The following LRRC8D variants were observed in gnomAD, a reference collection of about 807,000 sequenced individuals.
LRRC8D encodes leucine rich repeat containing 8 VRAC subunit D, also known as volume-regulated anion channel subunit LRRC8D.
In LRRC8D, 20 loss-of-function variants were observed where a neutral mutation model predicts 55.8. The observed-to-expected ratio is 0.36, with a 90% CI of 0.25 to 0.52. The LOEUF (loss-of-function observed/expected upper bound fraction) is 0.52. LRRC8D is among the 20% of genes least tolerant of loss of function. LRRC8D has a pLI of 0.93. For synonymous variants in LRRC8D, 352 were observed against 377.0 expected, an observed-to-expected ratio of 0.93 and a Z score of 0.77; for missense variants, 651 against 1,030.8, an observed-to-expected ratio of 0.63 and a Z score of 5.05.
chr1:89,829,675 G>T (rs928997809), intron 1 of LRRC8D, among the ~76,000 whole-genome samples: 1 of 152,210 alleles, frequency 6.6e-6, no homozygotes, highest in African/African-American at 2.4e-5. Context: ...TGTTTGAAGA[G>T]TAGAGCCATA....
chr1:89,821,933 T>C (rs529033487), intron 1 of LRRC8D: 4 of 152,176 alleles, frequency 2.6e-5, no homozygotes, highest in African/African-American at 9.6e-5. Flanking sequence ...AATCCGCTTC[T>C]AGCTTGTTTG....
chr1:89,835,093 A>C (rs1017763805), intron 1 of LRRC8D, among the ~76,000 whole-genome samples: 2 of 152,142 alleles, frequency 1.3e-5, no homozygotes, highest in African/African-American at 4.8e-5. Context: ...GCATCTAAGG[A>C]TCACTTGGGA....
intron 2 of LRRC8D, among the ~76,000 whole-genome samples, chr1:89,918,930 G>T (rs1276089212): frequency 6.6e-6 from 1 of 152,178 alleles, no homozygotes; most frequent in East Asian, 1.9e-4. Context: ...AGTTGTGAGT[G>T]ATTCATTCTG....
chr1:89,848,664 T>G (rs2100759726), intron 2 of LRRC8D, among the ~76,000 whole-genome samples: 1 of 152,292 alleles, frequency 6.6e-6, no homozygotes, highest in South Asian at 2.1e-4. Context: ...CCTGGTGTTA[T>G]GCAGAGTGGG....
chr1:89,838,243 C>T (rs981796740), intron 1 of LRRC8D, among the ~76,000 whole-genome samples: 1 of 150,474 alleles, frequency 6.6e-6, no homozygotes, highest in East Asian at 1.9e-4. Context: ...CTGGATGTGG[C>T]GAGCTCCTGT....
intron 2 of LRRC8D, among the ~76,000 whole-genome samples, chr1:89,887,790 G>A (rs1172735174): frequency 1.3e-5 from 2 of 152,120 alleles, no homozygotes; most frequent in Non-Finnish European, 2.9e-5. Flanking sequence ...TAAAATATGG[G>A]ATAGGAGGAG....
intron 2 of LRRC8D, among the ~76,000 whole-genome samples, chr1:89,904,211 C>T (rs746936847): frequency 2.6e-5 from 4 of 152,244 alleles, no homozygotes; most frequent in Non-Finnish European, 5.9e-5. Flanking sequence ...AAAAACATTT[C>T]CCCCTTAGTT....
intron 2 of LRRC8D, among the ~76,000 whole-genome samples, chr1:89,895,791 A>G (rs1032079394): frequency 1.3e-5 from 2 of 152,134 alleles, no homozygotes; most frequent in African/African-American, 4.8e-5. Context: ...TCTCTTTATC[A>G]TGTTTCTTAA....
rs112355537 is a variant in LRRC8D, at chr1:89,891,945, A to G, written c.-2-41122A>G. Among the ~76,000 whole-genome samples, 1,017 of 152,246 alleles carry G rather than the reference A, an allele frequency of 6.7e-3. 10 individuals carry two copies. Among genetic ancestry groups the G allele is most frequent in the African/African-American group, 0.024 (987 of 41,534 alleles). On this transcript the variant is annotated intron_variant, in intron 2 of 2. Coordinates refer to ENST00000337338, the MANE Select transcript of LRRC8D (RefSeq NM_001134479.2). ...ACTCTGGGTTCTCTCACTCCATACT[A>G]GACTTTGGTCTCTTATCTCTGTATC...
intron 2 of LRRC8D, among the ~76,000 whole-genome samples, chr1:89,845,789 T>A (rs1457608673): frequency 1.3e-5 from 2 of 151,408 alleles, no homozygotes; most frequent in Admixed American, 6.6e-5. Flanking sequence ...TTTTTTTTTT[T>A]ATTTTTGAGA....
At chr1:89,838,273 G>C (rs1405828826) in intron 1 of LRRC8D, among the ~76,000 whole-genome samples, 1 of 152,002 alleles carries the variant, frequency 6.6e-6, no homozygotes, top group Non-Finnish European at 1.5e-5. Flanking sequence ...TACTGGGGAG[G>C]CTAAGGTGGG....
rs150567614 is a variant in LRRC8D, at chr1:89,889,282, G to A, written c.-2-43785G>A. Among the ~76,000 whole-genome samples, 454 of 152,236 alleles carry A rather than the reference G, an allele frequency of 3.0e-3. 12 individuals are homozygous for A. In the South Asian group the frequency reaches 0.05, roughly 17 times the overall value. On this transcript the variant is annotated intron_variant, in intron 2 of 2. Transcript: ENST00000337338. ...TACCTGACCAGTACTCCTCAAAACT[G>A]TCAAGGTTATCAAAAACAAGGAAAA...
intron 1 of LRRC8D, among the ~76,000 whole-genome samples, chr1:89,834,031 G>T (rs1660946288): frequency 6.6e-6 from 1 of 152,138 alleles, no homozygotes; most frequent in African/African-American, 2.4e-5. Context: ...GTAGTTCAAA[G>T]CAAACAGCCA....
intron 2 of LRRC8D, among the ~76,000 whole-genome samples, chr1:89,845,372 G>T (rs549977742): frequency 5.3e-5 from 8 of 152,294 alleles, no homozygotes; most frequent in African/African-American, 1.4e-4. Flanking sequence ...GAATTTAATT[G>T]TGAGATGGCT....
chr1:89,830,375 TC>T (rs1660858878), intron 1 of LRRC8D, among the ~76,000 whole-genome samples: 1 of 152,242 alleles, frequency 6.6e-6, no homozygotes, highest in Admixed American at 6.5e-5. Context: ...ATGCACTTGT[TC>T]TTTAACTTAG....
At chr1:89,930,355 G>A (rs914167680) in intron 2 of LRRC8D, among the ~76,000 whole-genome samples, 2 of 152,044 alleles carry the variant, frequency 1.3e-5, no homozygotes, top group African/African-American at 4.8e-5. Context: ...CACTATGCCT[G>A]GCTAATTTTT....
At chr1:89,836,234 G>C (rs531724644) in intron 1 of LRRC8D, among the ~76,000 whole-genome samples, 4 of 151,934 alleles carry the variant, frequency 2.6e-5, no homozygotes, top group African/African-American at 9.7e-5. Flanking sequence ...TAAATCAACT[G>C]CTAACATTTA....
rs778353994 is a variant in LRRC8D at position 89,933,428 on chromosome 1, C to T, written c.360C>T (p.Phe120=). ...PLRATYPRTD[F]ALPNQEAKKE... is the part of the protein sequence containing the mutation. ...GAGCCACATATCCTCGCACAGATTT[C>T]GCACTTCCAAATCAGGAGGCAAAGA... is the stretch of plus-strand genomic sequence containing the variant. The change falls in exon 3 of 3, where the codon TTC becomes TTT. Residue 120 remains phenylalanine, a synonymous_variant. Transcript: ENST00000337338. This position sits in a 1 kb window ranked among gnomAD's most constrained non-coding sequence, Gnocchi z 7.0. 15 of 1,613,958 alleles carry T rather than the reference C, an allele frequency of 9.3e-6. No homozygotes were observed. The highest frequency in any genetic ancestry group is 4.0e-5 in the African/African-American group (3 of 74,886).
At chr1:89,929,185 G>A (rs139901077) in intron 2 of LRRC8D, among the ~76,000 whole-genome samples, 243 of 152,326 alleles carry the variant, frequency 1.6e-3, no homozygotes, top group African/African-American at 5.5e-3. Flanking sequence ...TGTGATGGGC[G>A]GAGGTACAGA....
Sources: allele counts gnomAD v4.1 joint callset (sites outside exome capture counted in the v4.1 genomes callset), GRCh38; gene constraint gnomAD v4.1.1; non-coding constraint Gnocchi (gnomAD v3.1); transcripts MANE v1.5; gene names NCBI Gene and HGNC (gene_info 2026-07-23, HGNC 2026-07-21).